The following NLRX1 variants were observed in gnomAD, a reference collection of about 807,000 sequenced individuals.
NLRX1 encodes the protein NOD-like receptor X1.
In NLRX1, 67 loss-of-function variants were observed where a neutral mutation model predicts 74.2. That is an observed-to-expected ratio of 0.90 (90% confidence interval 0.74 to 1.11). NLRX1 has a LOEUF of 1.11. Ranked by LOEUF, NLRX1 falls within the 50% of genes least tolerant of loss-of-function variation. The probability of loss-of-function intolerance (pLI) is 0.00; values close to 1 mark genes in which losing one functional copy is unlikely to be tolerated. For synonymous variants in NLRX1, 506 were observed against 559.1 expected, an observed-to-expected ratio of 0.91 and a Z score of 1.34; for missense variants, 1,191 against 1,305.4, an observed-to-expected ratio of 0.91 and a Z score of 1.35.
At chr11:119,181,949 C>T in intron 8 of NLRX1, 145 bp from the exon 9 acceptor site, 1 of 912,672 alleles carries the variant, frequency 1.1e-6, no homozygotes, top group Non-Finnish European at 1.7e-6. Flanking sequence ...GTCCAGGTTC[C>T]TCTTGCCCCA....
In NLRX1 at chr11:119,175,211, A is replaced by C. The variant is rs199476047; in HGVS notation, c.1608A>C (p.Val536=). 1.7e-5 allele frequency: 27 copies of C among 1,614,176 alleles called. No homozygotes were observed. In the East Asian group the frequency reaches 4.5e-4, roughly 27 times the overall value. Residue 536 remains valine (V), a synonymous_variant, in exon 6 of 10, where the codon GTA becomes GTC. Coordinates refer to ENST00000409109, the MANE Select transcript of NLRX1 (RefSeq NM_001282144.2). The part of the protein sequence containing the change: ...VGRVGEDVSL[V]LGIMAKLLPL... ...GTGTTGGGGAGGACGTCAGCCTGGTACTGGGCATCATGGCCAAGCTGCTGC... is the reference window on the plus strand; with the variant it reads ...GTGTTGGGGAGGACGTCAGCCTGGTCCTGGGCATCATGGCCAAGCTGCTGC...
chr11:119,180,201 T>G lies in NLRX1; in HGVS notation c.2180T>G (p.Leu727Arg). ...GTGCTGGGCAGCGGAAGGCATGCCC[T>G]GGATGAGGTGAACTTGGCCTCCTGC... Reference protein sequence around the residue: ...AAVLGSGRHALDEVNLASCQL... With the variant: ...AAVLGSGRHARDEVNLASCQL... Residue 727 changes from leucine (L) to arginine (R), a missense_variant, in exon 7 of 10, where the codon CTG becomes CGG. Coordinates refer to ENST00000409109, the MANE Select transcript of NLRX1 (RefSeq NM_001282144.2). 1.2e-6 allele frequency: 2 copies of G among 1,612,064 alleles called. No homozygotes were observed. Among genetic ancestry groups the G allele is most frequent in the Non-Finnish European group, 1.7e-6 (2 of 1,178,668 alleles).
chr11:119,169,695 A>C (rs558034119), intron 1 of NLRX1, among the ~76,000 whole-genome samples: 2 of 152,336 alleles, frequency 1.3e-5, no homozygotes, highest in South Asian at 4.1e-4. Flanking sequence ...GCAGGATCTT[A>C]AAAGATTGGT....
At position 119,173,388 on chromosome 11, in the gene NLRX1, T is replaced by C. The variant is rs199476040; in HGVS notation, c.230-91T>C. ...GGGCCCCAGCATCTATGCCGTGATG[T>C]CCCAGCCTGACCTCACCACCGCCCT... On this transcript the variant is annotated intron_variant, in intron 4 of 9. Coordinates refer to ENST00000409109, the MANE Select transcript of NLRX1 (RefSeq NM_001282144.2). The surrounding 1 kb of genome is among the most constrained non-coding windows in gnomAD (Gnocchi z 4.0). The C allele has an allele frequency of 1.6e-3, 2,264 of 1,390,760 alleles. 1 individual carries two copies. The highest frequency in any genetic ancestry group is 2.0e-3 in the Non-Finnish European group (2,061 of 1,015,768). The allele number at this position is 1,390,760 out of a possible 1,614,324, so 86.2% of individuals were successfully genotyped here.
At position 119,172,943 on chromosome 11, in the gene NLRX1, C is replaced by G; in HGVS notation, c.183C>G (p.Pro61=). Residue 61 remains proline (P), a synonymous_variant, in exon 4 of 10, where the codon CCC becomes CCG. Transcript: ENST00000409109. ...ACGGAAGCTCGGTAGATAGCGCTCC[C>G]CCACCCGGGAGGCATGGACGGCTGT... is the stretch of plus-strand genomic sequence containing the variant. ...RHHGSSVDSA[P]PPGRHGRLFP... The G allele has an allele frequency of 6.2e-7, 1 of 1,613,902 alleles. No individual in the cohort carries two copies. Among genetic ancestry groups the G allele is most frequent in the Non-Finnish European group, 8.5e-7 (1 of 1,179,966 alleles).
rs1356281601 is a variant in NLRX1, at chr11:119,168,801, C to T, written c.-550C>T. The T allele has an allele frequency of 6.6e-6, 1 of 152,308 alleles. No homozygotes were observed. Among genetic ancestry groups the T allele is most frequent in the East Asian group, 1.9e-4 (1 of 5,182 alleles). The allele number at this position is 152,308 out of a possible 1,614,324, so 9.4% of individuals were successfully genotyped here. Reference sequence around the variant, plus strand: ...CGCCGGGGTTCCAGCCCTGCGCCTGCTCCGGAGCACCGGGCCCCTCTCGCT... The same window carrying T: ...CGCCGGGGTTCCAGCCCTGCGCCTGTTCCGGAGCACCGGGCCCCTCTCGCT... On this transcript the variant is annotated 5_prime_UTR_variant, in exon 1 of 10. Coordinates refer to ENST00000409109, the MANE Select transcript of NLRX1 (RefSeq NM_001282144.2).
rs770898284 is a variant in NLRX1, at chr11:119,175,102, A to G, written c.1499A>G (p.Tyr500Cys). Residue 500 changes from tyrosine to cysteine, a missense_variant, in exon 6 of 10, where the codon TAC becomes TGC. Coordinates refer to ENST00000409109, the MANE Select transcript of NLRX1 (RefSeq NM_001282144.2). ...TTCACCGTGCCCGCCATGCAGGAAT[A>G]CCTGGCTGCCCTCTACATTGTGCTG... ...FVFTVPAMQE[Y>C]LAALYIVLGL... The G allele has an allele frequency of 6.2e-7, 1 of 1,614,152 alleles. No homozygotes were observed. Among genetic ancestry groups the G allele is most frequent in the South Asian group, 1.1e-5 (1 of 91,080 alleles).
chr11:119,177,374 G>A (rs931759185), intron 6 of NLRX1, among the ~76,000 whole-genome samples: 4 of 151,572 alleles, frequency 2.6e-5, no homozygotes, highest in Admixed American at 1.3e-4. Context: ...GAGCCACCAC[G>A]CCCGGCCTAT....
At chr11:119,169,635 A>C (rs777806252) in intron 1 of NLRX1, among the ~76,000 whole-genome samples, 2 of 152,216 alleles carry the variant, frequency 1.3e-5, no homozygotes, top group Non-Finnish European at 2.9e-5. Flanking sequence ...ATTCCATTTA[A>C]GTGAGTTCAG....
rs907415459 is a variant in NLRX1 at position 119,175,200 on chromosome 11, G to A, written c.1597G>A (p.Val533Ile). Residue 533 changes from valine (V) to isoleucine (I), a missense_variant, in exon 6 of 10, where the codon GTC becomes ATC. By Grantham distance (29) the Val-to-Ile change is conservative. Coordinates refer to ENST00000409109, the MANE Select transcript of NLRX1 (RefSeq NM_001282144.2). ...AELVGRVGED[V>I]SLVLGIMAKL... ...GCTCGTGGGCCGTGTTGGGGAGGAC[G>A]TCAGCCTGGTACTGGGCATCATGGC... The A allele has an allele frequency of 2.3e-5, 37 of 1,614,070 alleles. No individual in the cohort carries two copies. Among genetic ancestry groups the A allele is most frequent in the Admixed American group, 6.7e-5 (4 of 60,008 alleles).
intron 1 of NLRX1, among the ~76,000 whole-genome samples, chr11:119,169,716 G>A (rs576302907): frequency 1.3e-4 from 20 of 152,304 alleles, no homozygotes; most frequent in African/African-American, 4.8e-4. Context: ...TGGGGCCCGA[G>A]TGGTGGCTCG....
rs1565836343 is a variant in NLRX1 at position 119,183,034 on chromosome 11, GC to G, written c.2607-79del. 1 of 1,251,722 alleles carries G rather than the reference GC, an allele frequency of 8.0e-7. No homozygotes were observed. The allele number at this position is 1,251,722 out of a possible 1,614,324, so 77.5% of individuals were successfully genotyped here. Reference sequence around the variant, plus strand: ...CTGCAGCCAGGAGATGAGTTGTGAGGCCCCCTGACTTTCCATCCATCTACCC... The same window carrying G: ...CTGCAGCCAGGAGATGAGTTGTGAGGCCCCTGACTTTCCATCCATCTACCC... On this transcript the variant is annotated intron_variant, in intron 9 of 9. Transcript: ENST00000409109. The surrounding 1 kb of genome is among the most constrained non-coding windows in gnomAD (Gnocchi z 5.7).
At position 119,179,466 on chromosome 11, in the gene NLRX1, T is replaced by C. The variant is rs73564481; in HGVS notation, c.1672-227T>C. Reference sequence around the variant, plus strand: ...CACAGCAAGACCCCATCTCTAGTTTTAAGAAACGTTTCATATTCCAGGCTA... The same window carrying C: ...CACAGCAAGACCCCATCTCTAGTTTCAAGAAACGTTTCATATTCCAGGCTA... On this transcript the variant is annotated intron_variant, in intron 6 of 9. Transcript: ENST00000409109. 8.1e-3 allele frequency among the ~76,000 whole-genome samples: 1,228 copies of C among 152,308 alleles called. 16 individuals are homozygous for C. The highest frequency in any genetic ancestry group is 0.028 in the African/African-American group (1,150 of 41,564).
At chr11:119,169,888 C>G (rs1332964235) in intron 1 of NLRX1, among the ~76,000 whole-genome samples, 1 of 151,196 alleles carries the variant, frequency 6.6e-6, no homozygotes, top group African/African-American at 2.4e-5. Flanking sequence ...CCTAGCTACT[C>G]AGGAGGCTGA....
In NLRX1 at chr11:119,182,116, G is replaced by A. The variant is rs1429454301; in HGVS notation, c.2377G>A (p.Ala793Thr). ...TLRLSNNPLT[A>T]AGVAVLMEGL... is the part of the protein sequence containing the mutation. ...TAGGCTGTCCAACAACCCGCTGACGGCGGCAGGTGTTGCCGTGCTAATGGA... is the reference window on the plus strand; with the variant it reads ...TAGGCTGTCCAACAACCCGCTGACGACGGCAGGTGTTGCCGTGCTAATGGA... Residue 793 changes from alanine (A) to threonine (T), a missense_variant, in exon 9 of 10, where the codon GCG (alanine) becomes ACG (threonine). Coordinates refer to ENST00000409109, the MANE Select transcript of NLRX1 (RefSeq NM_001282144.2). The A allele has an allele frequency of 1.2e-6, 2 of 1,614,154 alleles. No individual in the cohort carries two copies. Among genetic ancestry groups the A allele is most frequent in the South Asian group, 1.1e-5 (1 of 91,082 alleles).
chr11:119,171,612 A>G, intron 2 of NLRX1, 139 bp downstream of exon 2: 2 of 601,786 alleles, frequency 3.3e-6, no homozygotes, highest in South Asian at 2.0e-5. Context: ...GACCTTGAGC[A>G]TGTCGCTTCA....
In NLRX1 at chr11:119,181,248, C is replaced by A; in HGVS notation, c.2345C>A (p.Thr782Asn). ...TTGCTGCATGACCAGTGCCAAATTA[C>A]CACACTGCGGTGAGTGACCTGGGAG... ...DLLLHDQCQI[T>N]TLRLSNNPLT... is the part of the protein sequence containing the mutation. Residue 782 changes from threonine to asparagine, a missense_variant, in exon 8 of 10, where the codon ACC becomes AAC. Coordinates refer to ENST00000409109, the MANE Select transcript of NLRX1 (RefSeq NM_001282144.2). 4.3e-6 allele frequency: 7 copies of A among 1,613,356 alleles called. No individual in the cohort carries two copies. Among genetic ancestry groups the A allele is most frequent in the Non-Finnish European group, 5.9e-6 (7 of 1,179,526 alleles).
At chr11:119,170,627 A>G (rs982043213) in intron 1 of NLRX1, among the ~76,000 whole-genome samples, 1 of 152,238 alleles carries the variant, frequency 6.6e-6, no homozygotes, top group Non-Finnish European at 1.5e-5. Flanking sequence ...TGATGAAGCC[A>G]TTAAAACTCA....
At chr11:119,179,636 T>TGAAGGCTGAACAGGCACATG (rs1224071338) in intron 6 of NLRX1, 57 bp from the exon 7 acceptor site, 3 of 1,241,842 alleles carry the variant, frequency 2.4e-6, no homozygotes, top group Non-Finnish European at 3.2e-6. Flanking sequence ...AGCTGAACCT[T>TGAAGGCTGAACAGGCACATG]GAAGGCTGAA....
Sources: allele counts gnomAD v4.1 joint callset (sites outside exome capture counted in the v4.1 genomes callset), GRCh38; gene constraint gnomAD v4.1.1; non-coding constraint Gnocchi (gnomAD v3.1); transcripts MANE v1.5; gene names NCBI Gene and HGNC (gene_info 2026-07-23, HGNC 2026-07-21).